Variants in CDKAL1 observed in about 807,000 individuals in gnomAD.
The protein encoded by CDKAL1 is threonylcarbamoyladenosine tRNA methylthiotransferase.
Under a neutral mutation model 68.2 loss-of-function variants are expected in CDKAL1, and 32 were observed. The observed-to-expected ratio is 0.47, with a 90% CI of 0.35 to 0.63. The LOEUF is 0.63. CDKAL1 is among the 30% of genes least tolerant of loss of function. The probability of loss-of-function intolerance (pLI) is 0.00; values close to 1 mark genes in which losing one functional copy is unlikely to be tolerated. For missense variants in CDKAL1, 606 were observed against 696.7 expected (o/e 0.87, Z 1.47); for synonymous variants, 234 against 244.3 (o/e 0.96, Z 0.39).
intron 12 of CDKAL1, among the ~76,000 whole-genome samples, chr6:21,071,019 CT>C (rs1362784908): frequency 6.6e-6 from 1 of 152,214 alleles, no homozygotes; most frequent in Non-Finnish European, 1.5e-5. Context: ...TGTTTTTAAT[CT>C]GCTGTCAAAC....
At chr6:21,071,063 G>T (rs967942897) in intron 12 of CDKAL1, among the ~76,000 whole-genome samples, 10 of 152,256 alleles carry the variant, frequency 6.6e-5, no homozygotes, top group African/African-American at 2.2e-4. Context: ...TAGTTAATGT[G>T]TTTTTTAATT....
intron 9 of CDKAL1, among the ~76,000 whole-genome samples, chr6:20,896,980 A>G (rs1163587615): frequency 6.6e-6 from 1 of 152,196 alleles, no homozygotes; most frequent in Non-Finnish European, 1.5e-5. Flanking sequence ...TGCTATTACA[A>G]AATGCCTTCG....
chr6:20,941,750 G>C (rs1763983285), intron 9 of CDKAL1, among the ~76,000 whole-genome samples: 1 of 152,144 alleles, frequency 6.6e-6, no homozygotes, highest in African/African-American at 2.4e-5. Context: ...ACAAATTGGA[G>C]AGCCCTGAAT....
At chr6:20,612,269 G>T (rs568504845) in intron 4 of CDKAL1, among the ~76,000 whole-genome samples, 2 of 151,726 alleles carry the variant, frequency 1.3e-5, no homozygotes, top group East Asian at 3.8e-4. Flanking sequence ...ATAAATACCC[G>T]TTAGTGGGAT....
At chr6:21,174,984 G>T (rs964766136) in intron 13 of CDKAL1, among the ~76,000 whole-genome samples, 2 of 152,144 alleles carry the variant, frequency 1.3e-5, no homozygotes, top group African/African-American at 4.8e-5. Flanking sequence ...AACATAAGGC[G>T]CTGGGCTTTC....
At chr6:20,719,190 G>C in intron 5 of CDKAL1, among the ~76,000 whole-genome samples, 1 of 152,216 alleles carries the variant, frequency 6.6e-6, no homozygotes, top group East Asian at 1.9e-4. Flanking sequence ...CAGTAGAGGA[G>C]GAGGATGGGC....
intron 12 of CDKAL1, among the ~76,000 whole-genome samples, chr6:21,107,081 G>A (rs1272718182): frequency 6.6e-6 from 1 of 151,258 alleles, no homozygotes; most frequent in Non-Finnish European, 1.5e-5. Flanking sequence ...CCAAGTAGCT[G>A]GGACTACAGG....
intron 12 of CDKAL1, among the ~76,000 whole-genome samples, chr6:21,068,505 C>G (rs1002733225): frequency 1.3e-5 from 2 of 152,096 alleles, no homozygotes; most frequent in Admixed American, 1.3e-4. Context: ...TTGTCTCACT[C>G]GCCTGCCTGG....
intron 6 of CDKAL1, among the ~76,000 whole-genome samples, chr6:20,751,406 T>A (rs1773915241): frequency 6.6e-6 from 1 of 152,186 alleles, no homozygotes; most frequent in Non-Finnish European, 1.5e-5. Context: ...TAAATATGAA[T>A]TAAGTTCCTC....
At chr6:20,886,440 A>G (rs935646331) in intron 9 of CDKAL1, among the ~76,000 whole-genome samples, 1 of 152,220 alleles carries the variant, frequency 6.6e-6, no homozygotes, top group Non-Finnish European at 1.5e-5. Flanking sequence ...ACATACACAA[A>G]TGTTCATTGC....
rs1227044493 is a variant in CDKAL1, at chr6:20,735,116, C to T, written c.372-4403C>T. 2.0e-5 allele frequency among the ~76,000 whole-genome samples: 3 copies of T among 151,362 alleles called. No homozygotes were observed. In the South Asian group the frequency reaches 6.3e-4, roughly 32 times the overall value. ...AACTCCTGACCTTAGGCAACCCACCCGCCTTGGCCTCCCAAAGTGCTGGGA... is the reference window on the plus strand; with the variant it reads ...AACTCCTGACCTTAGGCAACCCACCTGCCTTGGCCTCCCAAAGTGCTGGGA... On this transcript the variant is annotated intron_variant, in intron 5 of 15. Transcript: ENST00000274695.
At chr6:20,693,129 C>CAAA (rs70990059) in intron 5 of CDKAL1, among the ~76,000 whole-genome samples, 27 of 67,604 alleles carry the variant, frequency 4.0e-4, no homozygotes, top group Middle Eastern at 7.1e-3. Context: ...GACTCTGTCT[C>CAAA]AAAAAAAAAA....
chr6:21,039,258 G>C (rs2150891789), intron 11 of CDKAL1, among the ~76,000 whole-genome samples: 1 of 152,280 alleles, frequency 6.6e-6, no homozygotes, highest in Non-Finnish European at 1.5e-5. Context: ...AACACCTGAT[G>C]ATCTGAGGCG....
At chr6:21,059,336 A>G (rs770712207) in intron 11 of CDKAL1, among the ~76,000 whole-genome samples, 1 of 152,208 alleles carries the variant, frequency 6.6e-6, no homozygotes, top group Admixed American at 6.5e-5. Flanking sequence ...GAACTCGGTC[A>G]TCTTAGGCAG....
At chr6:20,801,151 C>T (rs1033423561) in intron 8 of CDKAL1, among the ~76,000 whole-genome samples, 17 of 150,862 alleles carry the variant, frequency 1.1e-4, no homozygotes, top group African/African-American at 3.9e-4. Context: ...CTCAGACTCC[C>T]GAACTCAAGT....
intron 5 of CDKAL1, among the ~76,000 whole-genome samples, chr6:20,714,628 T>G (rs1271388938): frequency 6.6e-6 from 1 of 152,132 alleles, no homozygotes; most frequent in Non-Finnish European, 1.5e-5. Context: ...TCTTGTTCAC[T>G]AGCCTGAGCC....
intron 12 of CDKAL1, among the ~76,000 whole-genome samples, chr6:21,071,805 CTG>C (rs922017298): frequency 6.6e-6 from 1 of 152,080 alleles, no homozygotes; most frequent in African/African-American, 2.4e-5. Flanking sequence ...ATTTTTGAGA[CTG>C]TTTTTCACTC....
chr6:21,156,141 C>T (rs949631163), intron 13 of CDKAL1, among the ~76,000 whole-genome samples: 15 of 152,012 alleles, frequency 9.9e-5, no homozygotes, highest in African/African-American at 2.7e-4. Context: ...TAAGACTGAG[C>T]GGGGCATGGT....
chr6:20,564,748 A>G (rs1444781513), intron 4 of CDKAL1, among the ~76,000 whole-genome samples: 1 of 152,234 alleles, frequency 6.6e-6, no homozygotes, highest in East Asian at 1.9e-4. Context: ...TGATTAAAAC[A>G]TGACAGCCAC....
Sources: allele counts gnomAD v4.1 joint callset (sites outside exome capture counted in the v4.1 genomes callset), GRCh38; gene constraint gnomAD v4.1.1; transcripts MANE v1.5; gene names NCBI Gene and HGNC (gene_info 2026-07-23, HGNC 2026-07-21).